Variants in IGSF21 observed in about 807,000 individuals in gnomAD.
IGSF21 encodes immunoglobulin superfamily member 21.
A neutral mutation model predicts 46.8 loss-of-function variants in IGSF21; 28 were observed. The ratio of observed to expected loss-of-function variants is 0.60; its 90% CI spans 0.44 to 0.82. IGSF21 has a LOEUF of 0.82. Among genes scored for constraint, IGSF21 ranks in the 40% least tolerant of loss-of-function variants. The probability of loss-of-function intolerance (pLI) is 0.00; values close to 1 mark genes in which losing one functional copy is unlikely to be tolerated. For missense variants in IGSF21, 624 were observed against 665.5 expected (o/e 0.94, Z 0.69); for synonymous variants, 284 against 273.6 (o/e 1.04, Z -0.38).
rs370258990 is a variant in IGSF21 at position 18,244,370 on chromosome 1, T to C, written c.183+16360T>C. On this transcript the variant is annotated intron_variant, in intron 2 of 9. Transcript: ENST00000251296. ...TTCCAGCATGGACCATGGGCCTTGA[T>C]CCCACCTAGGTGTTGGGCTGTGATG... Among the ~76,000 whole-genome samples the C allele has an allele frequency of 4.3e-3, 660 of 152,308 alleles. 1 individual carries two copies. The highest frequency in any genetic ancestry group is 7.0e-3 in the Non-Finnish European group (476 of 68,026).
intron 1 of IGSF21, among the ~76,000 whole-genome samples, chr1:18,118,622 C>T (rs1284747167): frequency 1.3e-5 from 2 of 152,176 alleles, no homozygotes; most frequent in Non-Finnish European, 2.9e-5. Flanking sequence ...GCAGTCACCC[C>T]ACAAAGACTT....
chr1:18,290,423 C>T lies in IGSF21; in HGVS notation c.184-1443C>T, dbSNP rs757231550. ...GCCGTGCCCTGGGAAGTCTCACTGC[C>T]GCTTCCTCTCAGGGTCCCAGAGCCT... On this transcript the variant is annotated intron_variant, in intron 2 of 9. Transcript: ENST00000251296. This position sits in a 1 kb window ranked among gnomAD's most constrained non-coding sequence, Gnocchi z 4.2. 1.1e-4 allele frequency among the ~76,000 whole-genome samples: 17 copies of T among 152,130 alleles called. No homozygotes were observed. The highest frequency in any genetic ancestry group is 2.1e-4 in the Non-Finnish European group (14 of 68,024).
chr1:18,361,890 A>C, intron 4 of IGSF21: 2 of 549,860 alleles, frequency 3.6e-6, no homozygotes, highest in East Asian at 6.0e-5. Context: ...TGTGTCTTCT[A>C]CACTAAACTG....
At chr1:18,148,030 C>T (rs1239346597) in intron 1 of IGSF21, among the ~76,000 whole-genome samples, 1 of 151,962 alleles carries the variant, frequency 6.6e-6, no homozygotes, top group Non-Finnish European at 1.5e-5. Flanking sequence ...TTTGCTCTTC[C>T]TTCATCTTTC....
In IGSF21 at chr1:18,161,742, T is replaced by A. The variant is rs372166849; in HGVS notation, c.70+53544T>A. On this transcript the variant is annotated intron_variant, in intron 1 of 9. Coordinates refer to ENST00000251296, the MANE Select transcript of IGSF21 (RefSeq NM_032880.5). ...GCTCCCAACTTACACTGATACAGTC[T>A]CGCGTGGCGGTGGGAGGAGGCCAAA... is the stretch of plus-strand genomic sequence containing the variant. Among the ~76,000 whole-genome samples, 153 of 152,228 alleles carry A rather than the reference T, an allele frequency of 1.0e-3. 1 individual carries two copies. Among genetic ancestry groups the A allele is most frequent in the African/African-American group, 3.6e-3 (150 of 41,528 alleles).
At chr1:18,157,450 C>T (rs1035903303) in intron 1 of IGSF21, among the ~76,000 whole-genome samples, 4 of 152,196 alleles carry the variant, frequency 2.6e-5, no homozygotes, top group Non-Finnish European at 5.9e-5. Context: ...TGGCCCTGTG[C>T]GTGTGTCTGT....
rs530525907 is a variant in IGSF21, at chr1:18,136,568, T to C, written c.70+28370T>C. On this transcript the variant is annotated intron_variant, in intron 1 of 9. Coordinates refer to ENST00000251296, the MANE Select transcript of IGSF21 (RefSeq NM_032880.5). ...AGGTTTGTCAAAGATCAGATAGTTG[T>C]AGATATGCAGCATTATTTCTGAGGG... Among the ~76,000 whole-genome samples, 445 of 152,380 alleles carry C rather than the reference T, an allele frequency of 2.9e-3. 4 individuals are homozygous for C. The highest frequency in any genetic ancestry group is 0.01 in the African/African-American group (430 of 41,594).
intron 3 of IGSF21, among the ~76,000 whole-genome samples, chr1:18,302,071 C>A (rs141567401): frequency 3.9e-5 from 6 of 152,186 alleles, no homozygotes; most frequent in Non-Finnish European, 8.8e-5. Flanking sequence ...CACCTTCTCA[C>A]TGCCTCCCCC....
chr1:18,129,598 C>A (rs539250760), intron 1 of IGSF21, among the ~76,000 whole-genome samples: 1 of 152,282 alleles, frequency 6.6e-6, no homozygotes, highest in East Asian at 1.9e-4. Flanking sequence ...GCATACAGGC[C>A]AGCACTGTGG....
intron 1 of IGSF21, among the ~76,000 whole-genome samples, chr1:18,226,338 G>GTC (rs2084566200): frequency 6.6e-6 from 1 of 152,166 alleles, no homozygotes; most frequent in African/African-American, 2.4e-5. Context: ...CAATGCCTGG[G>GTC]TCTCTGCTTC....
chr1:18,160,889 G>A (rs2086613931), intron 1 of IGSF21, among the ~76,000 whole-genome samples: 2 of 152,186 alleles, frequency 1.3e-5, no homozygotes, highest in South Asian at 4.1e-4. Flanking sequence ...GGGTATGGAG[G>A]GTGGTGGTGG....
chr1:18,196,413 T>C (rs2087009486), intron 1 of IGSF21, among the ~76,000 whole-genome samples: 1 of 152,168 alleles, frequency 6.6e-6, no homozygotes, highest in Non-Finnish European at 1.5e-5. Context: ...CCTGAGTCCC[T>C]GCAGGGCGCG....
chr1:18,187,324 G>T (rs1006972685), intron 1 of IGSF21, among the ~76,000 whole-genome samples: 1 of 152,124 alleles, frequency 6.6e-6, no homozygotes, highest in Non-Finnish European at 1.5e-5. Context: ...GCCTGTATTA[G>T]TCCGTTTTCA....
chr1:18,280,803 C>T (rs1336124286), intron 2 of IGSF21, among the ~76,000 whole-genome samples: 1 of 152,116 alleles, frequency 6.6e-6, no homozygotes, highest in Non-Finnish European at 1.5e-5. Flanking sequence ...TCTACCCAAG[C>T]CTTGCCTTCT....
intron 1 of IGSF21, among the ~76,000 whole-genome samples, chr1:18,208,237 C>T (rs1193886252): frequency 6.6e-6 from 1 of 151,372 alleles, no homozygotes. Context: ...CATAACCCAC[C>T]TGATCTCCTT....
At chr1:18,343,420 C>T (rs923527175) in intron 4 of IGSF21, among the ~76,000 whole-genome samples, 3 of 151,106 alleles carry the variant, frequency 2.0e-5, no homozygotes, top group Non-Finnish European at 4.4e-5. Flanking sequence ...TCCATGGTGT[C>T]CTTTGAAGGA....
At chr1:18,141,949 G>A (rs2086418857) in intron 1 of IGSF21, among the ~76,000 whole-genome samples, 1 of 151,998 alleles carries the variant, frequency 6.6e-6, no homozygotes, top group Non-Finnish European at 1.5e-5. Context: ...GCATGCCTGT[G>A]GTCCCAGCTA....
At chr1:18,359,343 AAAGAAAGAAAGAAAGAAAG>A (rs1557659470) in intron 4 of IGSF21, among the ~76,000 whole-genome samples, 5 of 50,496 alleles carry the variant, frequency 9.9e-5, no homozygotes, top group African/African-American at 3.7e-4. Flanking sequence ...AAAGAAAAAG[AAAGAAAGAAAGAAAGAAAG>A]AAAGAAAGAA....
chr1:18,196,485 C>G (rs1300818788), intron 1 of IGSF21, among the ~76,000 whole-genome samples: 2 of 152,178 alleles, frequency 1.3e-5, no homozygotes, highest in South Asian at 4.1e-4. Context: ...ACTTAGATGT[C>G]AGCAGGAGAG....
Sources: allele counts gnomAD v4.1 joint callset (sites outside exome capture counted in the v4.1 genomes callset), GRCh38; gene constraint gnomAD v4.1.1; non-coding constraint Gnocchi (gnomAD v3.1); transcripts MANE v1.5; gene names NCBI Gene and HGNC (gene_info 2026-07-23, HGNC 2026-07-21).